The following KHDRBS3 variants were observed in gnomAD, a reference collection of about 807,000 sequenced individuals.
KHDRBS3 encodes the protein KH RNA binding domain containing, signal transduction associated 3, also known as KH domain-containing, RNA-binding, signal transduction-associated protein 3.
In KHDRBS3, 23 loss-of-function variants were observed where a neutral mutation model predicts 45.6. That is an observed-to-expected ratio of 0.50 (90% CI 0.36 to 0.72). The LOEUF is 0.72. Among genes scored for constraint, KHDRBS3 ranks in the 30% least tolerant of loss-of-function variants. The probability of loss-of-function intolerance (pLI) is 0.00; values close to 1 mark genes in which losing one functional copy is unlikely to be tolerated. For missense variants in KHDRBS3, 352 were observed against 424.8 expected (o/e 0.83, Z 1.51); for synonymous variants, 162 against 156.5 (o/e 1.04, Z -0.26).
intron 7 of KHDRBS3, among the ~76,000 whole-genome samples, chr8:135,640,897 T>C (rs1397776098): frequency 6.6e-6 from 1 of 152,220 alleles, no homozygotes; most frequent in Admixed American, 6.5e-5. Flanking sequence ...AAATAGGACA[T>C]GTCTTTGGTT....
intron 6 of KHDRBS3, among the ~76,000 whole-genome samples, chr8:135,602,540 C>T (rs935559411): frequency 1.3e-5 from 2 of 151,694 alleles, no homozygotes; most frequent in African/African-American, 4.8e-5. Context: ...AGTGTCATAA[C>T]TGTAGGGTTA....
intron 7 of KHDRBS3, among the ~76,000 whole-genome samples, chr8:135,643,209 A>G (rs1000237152): frequency 6.6e-6 from 1 of 152,160 alleles, no homozygotes; most frequent in African/African-American, 2.4e-5. Flanking sequence ...TCTGCCTGGA[A>G]GACCCTTGCT....
intron 5 of KHDRBS3, among the ~76,000 whole-genome samples, chr8:135,571,975 T>C (rs567633927): frequency 1.3e-5 from 2 of 152,322 alleles, no homozygotes; most frequent in South Asian, 2.1e-4. Flanking sequence ...CTCAAAATAA[T>C]TCGATACTAA....
At chr8:135,626,757 T>A (rs1395258729) in intron 7 of KHDRBS3, among the ~76,000 whole-genome samples, 2 of 145,466 alleles carry the variant, frequency 1.4e-5, no homozygotes, top group Non-Finnish European at 3.0e-5. Context: ...TGAGCCGAGA[T>A]TGCGCCACCG....
chr8:135,592,055 A>G (rs912919912), intron 6 of KHDRBS3, among the ~76,000 whole-genome samples: 6 of 152,226 alleles, frequency 3.9e-5, no homozygotes, highest in East Asian at 1.9e-4. Context: ...TGAAGGTTCT[A>G]TAATTTTTCA....
intron 6 of KHDRBS3, among the ~76,000 whole-genome samples, chr8:135,583,417 C>T (rs189342125): frequency 5.9e-5 from 9 of 152,292 alleles, no homozygotes; most frequent in African/African-American, 2.2e-4. Flanking sequence ...TCAGCTCTTC[C>T]ATAAATGCTG....
intron 6 of KHDRBS3, among the ~76,000 whole-genome samples, chr8:135,604,123 C>T (rs4909493): frequency 0.76 from 115,082 of 151,772 alleles, 44,678 homozygotes; most frequent in East Asian, 0.99. Context: ...CATACATGTT[C>T]ATAATTATTT....
chr8:135,556,829 G>A (rs569032197), intron 4 of KHDRBS3, among the ~76,000 whole-genome samples: 2 of 152,134 alleles, frequency 1.3e-5, no homozygotes, highest in Non-Finnish European at 1.5e-5. Context: ...CTAGAGTTTC[G>A]TAGTTGAATA....
chr8:135,538,489 C>G (rs1234967877), intron 2 of KHDRBS3: 1 of 152,096 alleles, frequency 6.6e-6, no homozygotes, highest in African/African-American at 2.4e-5. Flanking sequence ...TCCAGAAACA[C>G]AAAAGGGTGG....
intron 6 of KHDRBS3, among the ~76,000 whole-genome samples, chr8:135,595,894 A>G (rs554786203): frequency 1.3e-5 from 2 of 152,336 alleles, no homozygotes; most frequent in East Asian, 3.9e-4. Context: ...TGGACAATAA[A>G]TAATACATAT....
intron 1 of KHDRBS3, among the ~76,000 whole-genome samples, chr8:135,463,481 C>T (rs1350854962): frequency 3.9e-5 from 6 of 152,116 alleles, no homozygotes; most frequent in Non-Finnish European, 1.5e-5. Context: ...AGTAGGGATC[C>T]TTCTCTAGGA....
chr8:135,498,713 T>TA (rs1823584266), intron 1 of KHDRBS3, among the ~76,000 whole-genome samples: 1 of 152,128 alleles, frequency 6.6e-6, no homozygotes, highest in African/African-American at 2.4e-5. Flanking sequence ...TTCTTTTTTT[T>TA]AAAAATATCA....
Position 135,500,308 on chromosome 8 carries a change from G to A in KHDRBS3, c.89-20929G>A, listed in dbSNP as rs562298080. ...GGTTAGAAGTAATAGAGTGGAGCAC[G>A]TACTGTGCTTCATATTGTGTCTCTT... On this transcript the variant is annotated intron_variant, in intron 1 of 8. Transcript: ENST00000355849. 4.6e-5 allele frequency among the ~76,000 whole-genome samples: 7 copies of A among 152,080 alleles called. No homozygotes were observed. In the Middle Eastern group the frequency reaches 0.014, roughly 296 times the overall value.
intron 6 of KHDRBS3, among the ~76,000 whole-genome samples, chr8:135,584,437 A>C (rs1031862312): frequency 1.3e-5 from 2 of 152,230 alleles, no homozygotes; most frequent in Admixed American, 6.5e-5. Flanking sequence ...CCCCGAGTTG[A>C]ATTATCATCA....
intron 2 of KHDRBS3, chr8:135,540,067 G>C (rs999561932): frequency 1.3e-5 from 2 of 152,048 alleles, no homozygotes; most frequent in African/African-American, 2.4e-5. Flanking sequence ...TAAGATGCAA[G>C]ATAAATATGA....
At chr8:135,549,132 T>C in intron 4 of KHDRBS3, 1 of 325,270 alleles carries the variant, frequency 3.1e-6, no homozygotes, top group Middle Eastern at 8.2e-4. Flanking sequence ...CAAGGTTACA[T>C]GGCTAAAAAA....
At chr8:135,594,063 T>C (rs1027600871) in intron 6 of KHDRBS3, among the ~76,000 whole-genome samples, 1 of 152,214 alleles carries the variant, frequency 6.6e-6, no homozygotes, top group Non-Finnish European at 1.5e-5. Context: ...ATTTTGGTGA[T>C]GTCCATTATT....
At chr8:135,532,307 G>A (rs1013529646) in intron 2 of KHDRBS3, among the ~76,000 whole-genome samples, 4 of 152,118 alleles carry the variant, frequency 2.6e-5, no homozygotes, top group South Asian at 2.1e-4. Context: ...AGTATCGATC[G>A]GTTCTTTCAA....
At chr8:135,510,777 G>A (rs2130578450) in intron 1 of KHDRBS3, among the ~76,000 whole-genome samples, 1 of 152,206 alleles carries the variant, frequency 6.6e-6, no homozygotes, top group Non-Finnish European at 1.5e-5. Context: ...AGGTTAGTTG[G>A]TGGTTTCTCA....
Sources: allele counts gnomAD v4.1 joint callset (sites outside exome capture counted in the v4.1 genomes callset), GRCh38; gene constraint gnomAD v4.1.1; transcripts MANE v1.5; gene names NCBI Gene and HGNC (gene_info 2026-07-23, HGNC 2026-07-21).